Variants in CEP126 observed in about 807,000 individuals in gnomAD.
CEP126 encodes the protein centrosomal protein 126.
In CEP126, 74 loss-of-function variants were observed where a neutral mutation model predicts 107.8. The observed-to-expected ratio is 0.69, with a 90% CI of 0.57 to 0.83. The LOEUF (loss-of-function observed/expected upper bound fraction) is 0.83. CEP126 is among the 40% of genes least tolerant of loss of function. The pLI, the probability that CEP126 is intolerant of heterozygous loss-of-function variation, is 0.00. For missense variants in CEP126, 1,237 were observed against 1,281.9 expected (o/e 0.96, Z 0.53); for synonymous variants, 449 against 446.0 (o/e 1.01, Z -0.08).
intron 3 of CEP126, among the ~76,000 whole-genome samples, chr11:101,945,261 A>C (rs1940719505): frequency 6.6e-6 from 1 of 152,250 alleles, no homozygotes; most frequent in African/African-American, 2.4e-5. Context: ...AGCATATTGC[A>C]AAGCAAACAG....
At chr11:101,983,058 C>T (rs995882788) in intron 8 of CEP126, among the ~76,000 whole-genome samples, 6 of 152,186 alleles carry the variant, frequency 3.9e-5, no homozygotes, top group African/African-American at 9.7e-5. Context: ...AGATTCCCCA[C>T]GAGACCCCAC....
intron 6 of CEP126, among the ~76,000 whole-genome samples, chr11:101,972,672 G>A (rs543838503): frequency 2.0e-5 from 3 of 152,024 alleles, no homozygotes; most frequent in South Asian, 4.2e-4. Context: ...GTGCTGGCGC[G>A]CACCTGTAGT....
At chr11:101,972,563 G>A (rs1250388882) in intron 6 of CEP126, among the ~76,000 whole-genome samples, 1 of 151,336 alleles carries the variant, frequency 6.6e-6, no homozygotes, top group East Asian at 2.0e-4. Context: ...AGCACTTTGG[G>A]AGGCTGAGGC....
In CEP126 at chr11:101,927,021, G is replaced by T. The variant is rs180954508; in HGVS notation, c.248+4261G>T. 1.3e-3 allele frequency among the ~76,000 whole-genome samples: 204 copies of T among 152,262 alleles called. 1 individual carries two copies. The highest frequency in any genetic ancestry group is 4.5e-3 in the African/African-American group (185 of 41,546). On this transcript the variant is annotated intron_variant, in intron 2 of 10. Transcript: ENST00000263468. ...TTCTCTTTTTAAAATTAAACTGTTGGCTGGGCGCAGTGGCTCACGCCTTTA... is the reference window on the plus strand; with the variant it reads ...TTCTCTTTTTAAAATTAAACTGTTGTCTGGGCGCAGTGGCTCACGCCTTTA...
intron 2 of CEP126, among the ~76,000 whole-genome samples, chr11:101,935,850 G>A (rs1940570219): frequency 6.6e-6 from 1 of 151,998 alleles, no homozygotes; most frequent in African/African-American, 2.4e-5. Context: ...CTGTCCACTA[G>A]ATACCAGTAG....
At chr11:101,954,640 A>T (rs968012125) in intron 4 of CEP126, among the ~76,000 whole-genome samples, 36 of 151,982 alleles carry the variant, frequency 2.4e-4, no homozygotes, top group African/African-American at 8.0e-4. Flanking sequence ...GTATGTTTAT[A>T]TATACATATA....
chr11:101,975,954 C>A (rs1468660720), intron 6 of CEP126, among the ~76,000 whole-genome samples: 2 of 152,220 alleles, frequency 1.3e-5, no homozygotes, highest in Middle Eastern at 6.8e-3. Flanking sequence ...ATGTTGTATA[C>A]GTACCACATT....
intron 3 of CEP126, among the ~76,000 whole-genome samples, chr11:101,947,530 C>G (rs1328160643): frequency 6.6e-6 from 1 of 152,088 alleles, no homozygotes; most frequent in East Asian, 1.9e-4. Flanking sequence ...AATGTATGAC[C>G]TTGAGCAAGT....
chr11:101,939,499 T>C (rs1057391137), intron 2 of CEP126, among the ~76,000 whole-genome samples: 2 of 152,228 alleles, frequency 1.3e-5, no homozygotes, highest in Non-Finnish European at 2.9e-5. Context: ...ATATTTGCAA[T>C]TGGGTCTTAC....
chr11:101,994,193 C>T (rs1489833160), intron 10 of CEP126, among the ~76,000 whole-genome samples: 1 of 152,198 alleles, frequency 6.6e-6, no homozygotes, highest in Non-Finnish European at 1.5e-5. Context: ...CAAGATTGCA[C>T]CATTGCACTC....
intron 9 of CEP126, among the ~76,000 whole-genome samples, chr11:101,987,471 G>C (rs1201436615): frequency 6.6e-6 from 1 of 152,108 alleles, no homozygotes; most frequent in Non-Finnish European, 1.5e-5. Flanking sequence ...GCTAGCTCTT[G>C]TCCTGAGGAT....
At chr11:101,985,847 CA>C (rs1336862053) in intron 8 of CEP126, among the ~76,000 whole-genome samples, 2 of 152,116 alleles carry the variant, frequency 1.3e-5, no homozygotes, top group Non-Finnish European at 2.9e-5. Flanking sequence ...TAAGCTTTGT[CA>C]AAGAACCTTC....
rs187434204 is a variant in CEP126, at chr11:101,999,122, A to G, written c.*1479A>G. ...AGAAAATTTAGTTCTTAGACATTTA[A>G]ATAGAAAGTTGTGTGCCCCTATAGA... On this transcript the variant is annotated 3_prime_UTR_variant, in exon 11 of 11. Coordinates refer to ENST00000263468, the MANE Select transcript of CEP126 (RefSeq NM_020802.4). 2 of 152,270 alleles carry G rather than the reference A, an allele frequency of 1.3e-5. No individual in the cohort carries two copies. The highest frequency in any genetic ancestry group is 3.9e-4 in the East Asian group (2 of 5,188). 9.4% of individuals were successfully genotyped at this position (152,270 alleles called of 1,614,324 possible). A position where few individuals can be genotyped will look rare whatever the true frequency, so the allele number is the denominator to read the frequency against.
At chr11:101,938,094 A>G (rs1434660660) in intron 2 of CEP126, among the ~76,000 whole-genome samples, 1 of 144,562 alleles carries the variant, frequency 6.9e-6, no homozygotes, top group African/African-American at 2.5e-5. Context: ...CGGAGCTTGC[A>G]GTGAGCCGAG....
chr11:101,972,743 G>T (rs1396073625), intron 6 of CEP126, among the ~76,000 whole-genome samples: 1 of 152,054 alleles, frequency 6.6e-6, no homozygotes. Flanking sequence ...GGAGGTTATA[G>T]TGAGCCGAGA....
intron 4 of CEP126, among the ~76,000 whole-genome samples, chr11:101,951,234 TG>T: frequency 6.6e-6 from 1 of 152,306 alleles, no homozygotes; most frequent in East Asian, 1.9e-4. Context: ...CTGGGCATAG[TG>T]GCCCACACCT....
chr11:101,963,338 G>T lies in CEP126; in HGVS notation c.2303G>T (p.Gly768Val). 6.2e-7 allele frequency: 1 copy of T among 1,614,026 alleles called. No individual in the cohort carries two copies. The change falls in exon 6 of 11, where the codon GGC becomes GTC. Residue 768 changes from glycine to valine, a missense_variant. Physicochemically the swap from Gly to Val is moderately radical, Grantham distance 109. This residue lies in a region of CEP126 where 1,134 missense variants were observed against 1,150.5 expected (regional missense o/e 0.99). Coordinates refer to ENST00000263468, the MANE Select transcript of CEP126 (RefSeq NM_020802.4). ...RKPGSAKVQS[G>V]FICTNRKGAV... Reference sequence around the variant, plus strand: ...CCAGGATCTGCAAAAGTCCAATCAGGCTTTATATGTACAAACAGAAAAGGC... The same window carrying T: ...CCAGGATCTGCAAAAGTCCAATCAGTCTTTATATGTACAAACAGAAAAGGC...
intron 6 of CEP126, among the ~76,000 whole-genome samples, chr11:101,965,107 G>A (rs572994844): frequency 5.9e-4 from 89 of 152,082 alleles, no homozygotes; most frequent in Non-Finnish European, 1.1e-3. Flanking sequence ...TCTATAGAAT[G>A]CCATTGCCCT....
At chr11:101,997,060 C>T (rs1297607547) in intron 10 of CEP126, among the ~76,000 whole-genome samples, 2 of 152,126 alleles carry the variant, frequency 1.3e-5, no homozygotes, top group African/African-American at 2.4e-5. Context: ...ATTTTTGAGA[C>T]GGAGTCTTGC....
Sources: allele counts gnomAD v4.1 joint callset (sites outside exome capture counted in the v4.1 genomes callset), GRCh38; gene constraint gnomAD v4.1.1; regional missense constraint gnomAD v4.1.1; transcripts MANE v1.5; gene names NCBI Gene and HGNC (gene_info 2026-07-23, HGNC 2026-07-21).